The following CNTLN variants were observed in gnomAD, a reference collection of about 807,000 sequenced individuals.
CNTLN encodes centlein, centrosomal protein.
CNTLN carries 212 observed loss-of-function variants against 180.0 expected under a neutral mutation model. The observed-to-expected ratio is 1.18, with a 90% CI of 1.05 to 1.32. The LOEUF (loss-of-function observed/expected upper bound fraction) is 1.32. Ranked by LOEUF, CNTLN falls within the 40% of genes most tolerant of loss-of-function variation. CNTLN has a pLI of 0.00. For synonymous variants in CNTLN, 722 were observed against 563.1 expected, an observed-to-expected ratio of 1.28 and a Z score of -3.99; for missense variants, 2,095 against 1,610.9, an observed-to-expected ratio of 1.30 and a Z score of -5.14.
chr9:17,493,945 T>C (rs75685332), intron 25 of CNTLN, among the ~76,000 whole-genome samples: 6,109 of 152,256 alleles, frequency 0.04, 411 homozygotes, highest in African/African-American at 0.14. Flanking sequence ...CACGTTAGCA[T>C]GAGAAGAAGT....
the CNTLN span, among the ~76,000 whole-genome samples, chr9:17,517,623 G>A: frequency 1.3e-5 from 2 of 151,936 alleles, no homozygotes; most frequent in African/African-American, 4.8e-5. Flanking sequence ...GGCTGCCTCG[G>A]CTGAAGGAAG....
At chr9:17,329,094 G>C (rs1328286594) in intron 8 of CNTLN, among the ~76,000 whole-genome samples, 2 of 151,852 alleles carry the variant, frequency 1.3e-5, no homozygotes, top group Non-Finnish European at 2.9e-5. Context: ...ACACAAGTTT[G>C]CTTGTTGGAT....
chr9:17,172,909 T>C (rs1820503787), intron 2 of CNTLN, among the ~76,000 whole-genome samples: 1 of 152,198 alleles, frequency 6.6e-6, no homozygotes, highest in South Asian at 2.1e-4. Context: ...ATCTTTGATA[T>C]CATATACTAT....
intron 2 of CNTLN, among the ~76,000 whole-genome samples, chr9:17,151,143 T>C (rs1818845294): frequency 6.6e-6 from 1 of 152,188 alleles, no homozygotes; most frequent in African/African-American, 2.4e-5. Context: ...TTTATTGCTT[T>C]CTCTTGCCTG....
chr9:17,515,559 C>A, the CNTLN span, among the ~76,000 whole-genome samples: 3 of 152,046 alleles, frequency 2.0e-5, no homozygotes, highest in African/African-American at 7.2e-5. Flanking sequence ...TCCTATCACT[C>A]CCCCCAGTCA....
At chr9:17,223,847 C>A (rs898498426) in intron 2 of CNTLN, among the ~76,000 whole-genome samples, 22 of 152,014 alleles carry the variant, frequency 1.4e-4, no homozygotes, top group Admixed American at 1.2e-3. Context: ...CCAGTGATTT[C>A]TCTGTTCTTA....
chr9:17,221,162 T>C (rs1824109894), intron 2 of CNTLN, among the ~76,000 whole-genome samples: 1 of 152,100 alleles, frequency 6.6e-6, no homozygotes, highest in African/African-American at 2.4e-5. Flanking sequence ...TTAGTATTCT[T>C]TTGCAGTACT....
intron 13 of CNTLN, among the ~76,000 whole-genome samples, chr9:17,375,024 TTCA>T (rs1266203928): frequency 2.0e-5 from 3 of 152,326 alleles, no homozygotes; most frequent in Middle Eastern, 3.4e-3. Flanking sequence ...AACCCAAATG[TTCA>T]TCAACAGACG....
At chr9:17,227,302 A>G (rs146569569) in intron 3 of CNTLN, among the ~76,000 whole-genome samples, 5 of 152,134 alleles carry the variant, frequency 3.3e-5, no homozygotes, top group African/African-American at 1.2e-4. Flanking sequence ...AGTAAATTAT[A>G]CAATTACATA....
intron 13 of CNTLN, among the ~76,000 whole-genome samples, chr9:17,386,962 A>C (rs972245242): frequency 3.9e-5 from 6 of 152,226 alleles, no homozygotes; most frequent in African/African-American, 1.4e-4. Context: ...CTAGAAGAAG[A>C]AACTTGGGAA....
At chr9:17,407,851 C>T (rs2780212) in intron 15 of CNTLN, among the ~76,000 whole-genome samples, 64,199 of 151,800 alleles carry the variant, frequency 0.42, 15,860 homozygotes, top group Non-Finnish European at 0.55. Flanking sequence ...GGAGGCTGGG[C>T]GTGGTGGCTC....
At chr9:17,427,137 A>T (rs1450516313) in intron 18 of CNTLN, among the ~76,000 whole-genome samples, 1 of 152,132 alleles carries the variant, frequency 6.6e-6, no homozygotes, top group Non-Finnish European at 1.5e-5. Context: ...TCAAAGTTTC[A>T]GCTCCTGCTC....
intron 13 of CNTLN, among the ~76,000 whole-genome samples, chr9:17,369,526 A>G (rs957606270): frequency 6.6e-6 from 1 of 151,926 alleles, no homozygotes; most frequent in Non-Finnish European, 1.5e-5. Context: ...TCAAGATAAC[A>G]TGGAGAAGGA....
rs755547912 is a variant in CNTLN, at chr9:17,340,809, C to CT, written c.1645-12dup. 6 of 1,594,862 alleles carry CT rather than the reference C, an allele frequency of 3.8e-6. No homozygotes were observed. The highest frequency in any genetic ancestry group is 3.4e-6 in the Non-Finnish European group (4 of 1,172,196). ...CTTTCTTCAAACTTATATATACTTG[C>CT]TTTTTTGTGTTCTACAGAGCCAAGA... On this transcript the variant is annotated splice_polypyrimidine_tract_variant and intron_variant, in intron 10 of 25. Transcript: ENST00000380647.
chr9:17,523,507 G>T, the CNTLN span, among the ~76,000 whole-genome samples: 1 of 152,182 alleles, frequency 6.6e-6, no homozygotes, highest in Admixed American at 6.5e-5. Context: ...AAAGTGCTGG[G>T]ATTACAGGTG....
intron 8 of CNTLN, among the ~76,000 whole-genome samples, chr9:17,327,213 C>CTTTTTTTTT (rs71492913): frequency 8.5e-6 from 1 of 117,754 alleles, no homozygotes; most frequent in Admixed American, 1.0e-4. Context: ...AGTAGTTAAC[C>CTTTTTTTTT]TTTTTTTTTT....
chr9:17,450,305 A>G (rs901768468), intron 18 of CNTLN, among the ~76,000 whole-genome samples: 1 of 152,184 alleles, frequency 6.6e-6, no homozygotes, highest in African/African-American at 2.4e-5. Context: ...ACTACACTTC[A>G]TGAAAAGAGT....
chr9:17,328,099 T>C (rs1820421707), intron 8 of CNTLN, among the ~76,000 whole-genome samples: 1 of 152,222 alleles, frequency 6.6e-6, no homozygotes, highest in Non-Finnish European at 1.5e-5. Context: ...TTGTACCTTA[T>C]GCATGTTTGG....
the CNTLN span, among the ~76,000 whole-genome samples, chr9:17,511,666 A>ACACACG: frequency 1.3e-5 from 2 of 151,386 alleles, no homozygotes; most frequent in Non-Finnish European, 3.0e-5. Flanking sequence ...ACACACACAC[A>ACACACG]CACACGCACA....
Sources: allele counts gnomAD v4.1 joint callset (sites outside exome capture counted in the v4.1 genomes callset), GRCh38; gene constraint gnomAD v4.1.1; transcripts MANE v1.5; gene names NCBI Gene and HGNC (gene_info 2026-07-23, HGNC 2026-07-21).